Variants in MGAT5 observed in about 807,000 individuals in gnomAD.
The protein encoded by MGAT5 is alpha-1,6-mannosylglycoprotein 6-beta-N-acetylglucosaminyltransferase.
A neutral mutation model predicts 94.3 loss-of-function variants in MGAT5; 30 were observed. The ratio of observed to expected loss-of-function variants is 0.32; its 90% CI spans 0.24 to 0.43. MGAT5 has a LOEUF of 0.43. MGAT5 is among the 20% of genes least tolerant of loss of function. MGAT5 has a pLI of 1.00. For missense variants in MGAT5, 691 were observed against 905.5 expected, an observed-to-expected ratio of 0.76 and a Z score of 3.04; for synonymous variants, 310 against 322.9, an observed-to-expected ratio of 0.96 and a Z score of 0.43.
intron 1 of MGAT5, among the ~76,000 whole-genome samples, chr2:134,225,388 A>G (rs1188969673): frequency 2.0e-5 from 3 of 152,172 alleles, no homozygotes; most frequent in Non-Finnish European, 1.5e-5. Flanking sequence ...AGTGATGTTC[A>G]AGGAGCAGTT....
chr2:134,406,971 G>C (rs1481370288), intron 11 of MGAT5, among the ~76,000 whole-genome samples: 5 of 152,156 alleles, frequency 3.3e-5, no homozygotes, highest in Non-Finnish European at 7.4e-5. Flanking sequence ...GCCTTTGCTT[G>C]TTCTATCCAC....
intron 2 of MGAT5, among the ~76,000 whole-genome samples, chr2:134,303,269 C>T (rs753597142): frequency 2.8e-4 from 42 of 152,220 alleles, no homozygotes; most frequent in Non-Finnish European, 4.4e-4. Flanking sequence ...CCAACAGTTG[C>T]GTCATCTTGT....
chr2:134,145,827 G>A (rs1434592938), intron 1 of MGAT5, among the ~76,000 whole-genome samples: 1 of 152,192 alleles, frequency 6.6e-6, no homozygotes, highest in Non-Finnish European at 1.5e-5. Context: ...AAACTTGCTA[G>A]GACTTACTAA....
rs183094744 is a variant in MGAT5, at chr2:134,274,835, A to G, written c.406+4285A>G. 4.8e-3 allele frequency among the ~76,000 whole-genome samples: 731 copies of G among 152,284 alleles called. 3 individuals carry two copies. The highest frequency in any genetic ancestry group is 0.017 in the African/African-American group (699 of 41,550). On this transcript the variant is annotated intron_variant, in intron 2 of 15. Transcript: ENST00000281923. ...TTACAGCAACCCTGCATTTTTTCCA[A>G]AGTGGGGAGCGATATGCAACACTTT...
rs1255072672 is a variant in MGAT5, at chr2:134,451,535, G to GAGAGGA, written c.*2691_*2696dup. The stretch of plus-strand genomic sequence containing the variant: ...CTTCCAACTGCCCTGCATGGAAGAG[G>GAGAGGA]AGAGGAAGGTGCCCCTGTGTGGGCT... On this transcript the variant is annotated 3_prime_UTR_variant, in exon 16 of 16. Coordinates refer to ENST00000281923, the MANE Select transcript of MGAT5 (RefSeq NM_002410.5). The GAGAGGA allele has an allele frequency of 6.6e-6, 1 of 152,304 alleles. No homozygotes were observed. The highest frequency in any genetic ancestry group is 2.4e-5 in the African/African-American group (1 of 41,460). 9.4% of individuals were successfully genotyped at this position (152,304 alleles called of 1,614,324 possible). A position where few individuals can be genotyped will look rare whatever the true frequency, so the allele number is the denominator to read the frequency against.
chr2:134,323,672 A>G (rs1369444796), intron 4 of MGAT5, among the ~76,000 whole-genome samples: 1 of 152,130 alleles, frequency 6.6e-6, no homozygotes, highest in Non-Finnish European at 1.5e-5. Flanking sequence ...TCCACTTGTG[A>G]TGGGAAAATG....
chr2:134,195,015 G>C (rs1387151638), intron 1 of MGAT5, among the ~76,000 whole-genome samples: 1 of 152,144 alleles, frequency 6.6e-6, no homozygotes, highest in African/African-American at 2.4e-5. Flanking sequence ...CATTTTATTT[G>C]TGACTGGCTG....
At chr2:134,333,821 T>TG (rs1688157301) in intron 4 of MGAT5, among the ~76,000 whole-genome samples, 1 of 152,202 alleles carries the variant, frequency 6.6e-6, no homozygotes, top group Non-Finnish European at 1.5e-5. Context: ...TTTCAGTACT[T>TG]GGAGTTATTG....
At chr2:134,365,795 A>G (rs1255544449) in intron 10 of MGAT5, among the ~76,000 whole-genome samples, 1 of 152,088 alleles carries the variant, frequency 6.6e-6, no homozygotes, top group Non-Finnish European at 1.5e-5. Flanking sequence ...CTATAGTCAT[A>G]TCAACATACT....
chr2:134,415,391 A>G (rs746214581), intron 12 of MGAT5, among the ~76,000 whole-genome samples: 1 of 152,036 alleles, frequency 6.6e-6, no homozygotes, highest in Non-Finnish European at 1.5e-5. Context: ...ACCTTTTCAT[A>G]TGTTTGTTTG....
rs1204422974 is a variant in MGAT5, at chr2:134,450,611, C to T, written c.*1764C>T. 1.3e-5 allele frequency: 2 copies of T among 152,206 alleles called. No homozygotes were observed. The highest frequency in any genetic ancestry group is 6.5e-5 in the Admixed American group (1 of 15,270). The allele number at this position is 152,206 out of a possible 1,614,324, so 9.4% of individuals were successfully genotyped here. A position where few individuals can be genotyped will look rare whatever the true frequency, so the allele number is the denominator to read the frequency against. On this transcript the variant is annotated 3_prime_UTR_variant, in exon 16 of 16. Transcript: ENST00000281923. Reference sequence around the variant, plus strand: ...GTCTAAGAGGAGGGTGGGGGGCACCCGGGGCCTCCTCCACTCCTTAGGTGG... The same window carrying T: ...GTCTAAGAGGAGGGTGGGGGGCACCTGGGGCCTCCTCCACTCCTTAGGTGG...
intron 10 of MGAT5, among the ~76,000 whole-genome samples, chr2:134,374,439 A>G (rs1681029037): frequency 6.6e-6 from 1 of 152,360 alleles, no homozygotes; most frequent in Non-Finnish European, 1.5e-5. Flanking sequence ...TAAAAAACAC[A>G]GATTGGGAGC....
At chr2:134,394,979 CA>C (rs1163034436) in intron 10 of MGAT5, among the ~76,000 whole-genome samples, 4 of 152,228 alleles carry the variant, frequency 2.6e-5, no homozygotes, top group Non-Finnish European at 5.9e-5. Context: ...TGTCACTAAA[CA>C]GTCTGTTTTC....
chr2:134,235,266 G>A (rs1264694057), intron 1 of MGAT5, among the ~76,000 whole-genome samples: 4 of 152,102 alleles, frequency 2.6e-5, no homozygotes, highest in East Asian at 1.9e-4. Flanking sequence ...GCCTGGGAAG[G>A]TGGTTATCTT....
rs150998922 is a variant in MGAT5 at position 134,374,580 on chromosome 2, A to G, written c.1380+12172A>G. ...TTTTAATATATTTGCTTCTAAAGTC[A>G]TGTTTAGCATCGATACACAATTCTT... On this transcript the variant is annotated intron_variant, in intron 10 of 15. Coordinates refer to ENST00000281923, the MANE Select transcript of MGAT5 (RefSeq NM_002410.5). 3.3e-3 allele frequency among the ~76,000 whole-genome samples: 505 copies of G among 152,368 alleles called. 3 individuals carry two copies. The highest frequency in any genetic ancestry group is 0.011 in the African/African-American group (476 of 41,586).
At chr2:134,390,466 T>G (rs1682334984) in intron 10 of MGAT5, among the ~76,000 whole-genome samples, 1 of 152,242 alleles carries the variant, frequency 6.6e-6, no homozygotes. Context: ...AACTCGTCAT[T>G]TACATTAGGT....
At chr2:134,388,097 C>T (rs751127999) in intron 10 of MGAT5, among the ~76,000 whole-genome samples, 2 of 152,132 alleles carry the variant, frequency 1.3e-5, no homozygotes, top group African/African-American at 2.4e-5. Flanking sequence ...TGGAAGGTCC[C>T]TAAAGCTCAA....
intron 1 of MGAT5, among the ~76,000 whole-genome samples, chr2:134,270,012 T>C (rs1683933614): frequency 6.6e-6 from 1 of 152,226 alleles, no homozygotes; most frequent in Non-Finnish European, 1.5e-5. Flanking sequence ...CAGAGGCTAC[T>C]TTGGGATCTT....
At chr2:134,405,990 G>A (rs1409361328) in intron 11 of MGAT5, among the ~76,000 whole-genome samples, 1 of 152,152 alleles carries the variant, frequency 6.6e-6, no homozygotes. Flanking sequence ...TATAAACTTG[G>A]ATGAATGAAT....
Sources: gnomAD v4.1 joint callset for allele counts (sites outside exome capture counted in the v4.1 genomes callset) on GRCh38, gnomAD v4.1.1 for gene constraint, MANE v1.5 for transcripts, NCBI Gene and HGNC (gene_info 2026-07-23, HGNC 2026-07-21) for gene names.